Variants in FHIT observed in about 807,000 individuals in gnomAD.
FHIT encodes the protein fragile histidine triad diadenosine triphosphatase, also known as bis(5'-adenosyl)-triphosphatase.
A neutral mutation model predicts 17.9 loss-of-function variants in FHIT; 19 were observed. That is an observed-to-expected ratio of 1.06 (90% CI 0.74 to 1.56). FHIT has a LOEUF of 1.56. Among genes scored for constraint, FHIT ranks in the 40% most tolerant of loss-of-function variants. The probability of loss-of-function intolerance (pLI) is 0.00; values close to 1 mark genes in which losing one functional copy is unlikely to be tolerated. For synonymous variants in FHIT, 81 were observed against 69.7 expected (o/e 1.16, Z -0.81); for missense variants, 248 against 189.2 (o/e 1.31, Z -1.82).
intron 5 of FHIT, among the ~76,000 whole-genome samples, chr3:60,131,025 A>G (rs550037210): frequency 6.3e-5 from 5 of 78,948 alleles, no homozygotes; most frequent in Non-Finnish European, 1.1e-4. Context: ...ATACACATAT[A>G]TACATATGTG....
In FHIT at chr3:59,822,392, A is replaced by T. The variant is rs556002965; in HGVS notation, c.349-70071T>A. Among the ~76,000 whole-genome samples, 77 of 152,216 alleles carry T rather than the reference A, an allele frequency of 5.1e-4. 3 individuals are homozygous for T. Among genetic ancestry groups the T allele is most frequent in the African/African-American group, 1.9e-3 (77 of 41,558 alleles). On this transcript the variant is annotated intron_variant, in intron 8 of 9. Transcript: ENST00000492590. The stretch of plus-strand genomic sequence containing the variant: ...TTCCACACTGTTTTCCATAGTGGTT[A>T]TACTAGTTTCCATTCCCATCAGCAG...
At chr3:61,128,238 T>C (rs763074144) in intron 2 of FHIT, among the ~76,000 whole-genome samples, 11 of 152,136 alleles carry the variant, frequency 7.2e-5, no homozygotes, top group Non-Finnish European at 1.2e-4. Flanking sequence ...AAATATAAGA[T>C]TCACAGAATA....
chr3:60,376,165 T>C (rs1217546967), intron 5 of FHIT, among the ~76,000 whole-genome samples: 9 of 152,146 alleles, frequency 5.9e-5, no homozygotes, highest in Non-Finnish European at 1.2e-4. Flanking sequence ...CACTAAATTA[T>C]TGAGATTTTA....
chr3:60,072,618 T>C (rs1702827021), intron 5 of FHIT, among the ~76,000 whole-genome samples: 1 of 152,168 alleles, frequency 6.6e-6, no homozygotes, highest in Non-Finnish European at 1.5e-5. Context: ...AGATGGAGAC[T>C]GAAACCTAAA....
At chr3:60,403,573 GAAGA>G (rs1405454361) in intron 5 of FHIT, among the ~76,000 whole-genome samples, 1 of 151,880 alleles carries the variant, frequency 6.6e-6, no homozygotes, top group Admixed American at 6.6e-5. Context: ...AACTGGCCAT[GAAGA>G]AACTATCTGA....
chr3:60,039,297 C>T (rs1701343378), intron 5 of FHIT, among the ~76,000 whole-genome samples: 1 of 152,212 alleles, frequency 6.6e-6, no homozygotes, highest in Non-Finnish European at 1.5e-5. Flanking sequence ...CCTTACTTCT[C>T]CCATCATCTG....
chr3:61,243,324 T>C (rs1367983853), intron 1 of FHIT, among the ~76,000 whole-genome samples: 1 of 152,242 alleles, frequency 6.6e-6, no homozygotes. Flanking sequence ...TCTTAATCTG[T>C]CTTTTGTCAG....
intron 5 of FHIT, among the ~76,000 whole-genome samples, chr3:60,292,432 G>A (rs1708029811): frequency 6.6e-6 from 1 of 152,062 alleles, no homozygotes. Context: ...AGAAAATCAG[G>A]GGTGTCCTCC....
At chr3:60,052,824 T>C (rs1010412039) in intron 5 of FHIT, among the ~76,000 whole-genome samples, 14 of 149,188 alleles carry the variant, frequency 9.4e-5, no homozygotes, top group African/African-American at 3.4e-4. Context: ...ATATTACACA[T>C]ATAATTTTTT....
chr3:60,219,560 C>A (rs1382364548), intron 5 of FHIT, among the ~76,000 whole-genome samples: 1 of 152,070 alleles, frequency 6.6e-6, no homozygotes, highest in Non-Finnish European at 1.5e-5. Flanking sequence ...TTTAGAGAAA[C>A]ATCAATTTAA....
intron 5 of FHIT, among the ~76,000 whole-genome samples, chr3:60,271,544 T>G (rs1390204970): frequency 6.6e-6 from 1 of 152,228 alleles, no homozygotes; most frequent in African/African-American, 2.4e-5. Context: ...CTAATTGAAC[T>G]GGAGATTCAA....
chr3:60,206,995 G>T (rs213317), intron 5 of FHIT, among the ~76,000 whole-genome samples: 31,318 of 152,080 alleles, frequency 0.21, 3,548 homozygotes, highest in Admixed American at 0.28. Flanking sequence ...ATATATGTGT[G>T]TGAAAACATA....
chr3:60,439,566 AGTC>A lies in FHIT; in HGVS notation c.103+97291_103+97293del, dbSNP rs1316077355. Reference sequence around the variant, plus strand: ...CAGATGGATGACATCCTGAGTCATCAGTCAGTGATTCCTGGTCTCAGTCAGTGA... The same window carrying A: ...CAGATGGATGACATCCTGAGTCATCAAGTGATTCCTGGTCTCAGTCAGTGA... On this transcript the variant is annotated intron_variant, in intron 5 of 9. Coordinates refer to ENST00000492590, the MANE Select transcript of FHIT (RefSeq NM_002012.4). Among the ~76,000 whole-genome samples the A allele has an allele frequency of 5.4e-3, 816 of 152,184 alleles. 9 individuals carry two copies. The highest frequency in any genetic ancestry group is 0.019 in the African/African-American group (786 of 41,536).
intron 8 of FHIT, among the ~76,000 whole-genome samples, chr3:59,853,205 T>G (rs1272511030): frequency 1.3e-5 from 2 of 152,226 alleles, no homozygotes; most frequent in Admixed American, 6.5e-5. Context: ...GTGTTCTGAT[T>G]TGGGCTCTTC....
chr3:60,547,985 C>T (rs1023781001), intron 4 of FHIT, among the ~76,000 whole-genome samples: 12 of 152,076 alleles, frequency 7.9e-5, no homozygotes, highest in Non-Finnish European at 1.8e-4. Flanking sequence ...TAACATCCAA[C>T]TAAAGTAACG....
chr3:59,948,705 A>G (rs77480782), intron 7 of FHIT, among the ~76,000 whole-genome samples: 2,664 of 152,088 alleles, frequency 0.018, 79 homozygotes, highest in African/African-American at 0.06. Context: ...CTTAATTTGC[A>G]TTTCCCTATG....
rs141279352 is a variant in FHIT at position 60,895,665 on chromosome 3, CCTTTCTTTCTTTCTTTCTTTCTTTCTTT to C, written c.-110-73682_-110-73655del. On this transcript the variant is annotated intron_variant, in intron 3 of 9. Transcript: ENST00000492590. Reference sequence around the variant, plus strand: ...CCTTCCTTTCCCTCCTTCCTTCCTTCCTTTCTTTCTTTCTTTCTTTCTTTCTTTCTTTCTTTCTTTCTTTCTTTCTTTC... The same window carrying C: ...CCTTCCTTTCCCTCCTTCCTTCCTTCCTTTCTTTCTTTCTTTCTTTCTTTC... 5.7e-3 allele frequency among the ~76,000 whole-genome samples: 609 copies of C among 107,016 alleles called. 2 individuals are homozygous for C. The highest frequency in any genetic ancestry group is 0.014 in the Middle Eastern group (3 of 218). The allele number at this position is 107,016 out of a possible 152,430, so 70.2% of individuals were successfully genotyped here. A position where few individuals can be genotyped will look rare whatever the true frequency, so the allele number is the denominator to read the frequency against.
At chr3:61,099,986 G>C (rs958953830) in intron 2 of FHIT, among the ~76,000 whole-genome samples, 3 of 151,958 alleles carry the variant, frequency 2.0e-5, no homozygotes, top group Non-Finnish European at 4.4e-5. Context: ...TTGTTGTCTG[G>C]TTTAGTGGGT....
In FHIT at chr3:60,314,588, G is replaced by A. The variant is rs1441587011; in HGVS notation, c.103+222272C>T. Among the ~76,000 whole-genome samples, 5 of 152,228 alleles carry A rather than the reference G, an allele frequency of 3.3e-5. No individual in the cohort carries two copies. In the East Asian group the frequency reaches 9.7e-4, roughly 29 times the overall value. On this transcript the variant is annotated intron_variant, in intron 5 of 9. Coordinates refer to ENST00000492590, the MANE Select transcript of FHIT (RefSeq NM_002012.4). ...GAACTAGACTCACATTTTACAAAAGGCTCCCTACCCATAAGGAAGAAAGTT... is the reference window on the plus strand; with the variant it reads ...GAACTAGACTCACATTTTACAAAAGACTCCCTACCCATAAGGAAGAAAGTT...
Sources: allele counts gnomAD v4.1 joint callset (sites outside exome capture counted in the v4.1 genomes callset), GRCh38; gene constraint gnomAD v4.1.1; transcripts MANE v1.5; gene names NCBI Gene and HGNC (gene_info 2026-07-23, HGNC 2026-07-21).